The following WDR93 variants were observed in gnomAD, a reference collection of about 807,000 sequenced individuals.
The protein encoded by WDR93 is WD repeat domain 93.
In WDR93, 73 loss-of-function variants were observed where a neutral mutation model predicts 82.9. The ratio of observed to expected loss-of-function variants is 0.88; its 90% confidence interval spans 0.73 to 1.07. The LOEUF is 1.07. Among genes scored for constraint, WDR93 ranks in the 50% least tolerant of loss-of-function variants. WDR93 has a pLI of 0.00. For synonymous variants in WDR93, 283 were observed against 300.1 expected, an observed-to-expected ratio of 0.94 and a Z score of 0.59; for missense variants, 738 against 826.0, an observed-to-expected ratio of 0.89 and a Z score of 1.31.
rs1966895379 is a variant in WDR93, at chr15:89,733,196, C to T, written c.1521C>T (p.Pro507=). The change falls in exon 13 of 17, where the codon CCC becomes CCT. Residue 507 remains proline (P), a synonymous_variant. Coordinates refer to ENST00000268130, the MANE Select transcript of WDR93 (RefSeq NM_020212.2). ...HLVEASGTQG[P]TISVLVERPV... is the part of the protein sequence containing the mutation. The stretch of plus-strand genomic sequence containing the variant: ...TGGAGGCTAGCGGGACCCAAGGACC[C>T]ACCATCAGTGTGCTTGTTGAGAGGT... 10 of 1,613,818 alleles carry T rather than the reference C, an allele frequency of 6.2e-6. No homozygotes were observed. Among genetic ancestry groups the T allele is most frequent in the South Asian group, 2.2e-5 (2 of 91,058 alleles).
At chr15:89,741,237 AT>A (rs1967649098) in intron 16 of WDR93, among the ~76,000 whole-genome samples, 1 of 152,122 alleles carries the variant, frequency 6.6e-6, no homozygotes, top group Admixed American at 6.5e-5. Flanking sequence ...ATTTTATTTT[AT>A]TTTTATTTTG....
At chr15:89,702,222 G>A (rs1359743998) in intron 2 of WDR93, among the ~76,000 whole-genome samples, 173 bp downstream of exon 2, 1 of 152,176 alleles carries the variant, frequency 6.6e-6, no homozygotes, top group African/African-American at 2.4e-5. Context: ...TAATTGCCTG[G>A]GGAAATATGG....
chr15:89,728,243 T>A (rs995660462), intron 9 of WDR93, among the ~76,000 whole-genome samples: 1 of 152,154 alleles, frequency 6.6e-6, no homozygotes, highest in Non-Finnish European at 1.5e-5. Flanking sequence ...TGGTGAGCAG[T>A]TAGGTGTCAT....
intron 1 of WDR93, among the ~76,000 whole-genome samples, chr15:89,694,088 T>TA (rs1173326530): frequency 2.0e-5 from 3 of 152,190 alleles, no homozygotes; most frequent in African/African-American, 7.2e-5. Flanking sequence ...TTAGGCATTT[T>TA]AATATACGTG....
At position 89,705,935 on chromosome 15, in the gene WDR93, C is replaced by T. The variant is rs369537537; in HGVS notation, c.561+317C>T. 9.9e-5 allele frequency among the ~76,000 whole-genome samples: 15 copies of T among 152,242 alleles called. No individual in the cohort carries two copies. The East Asian group carries it at 2.7e-3, about 27-fold the overall frequency. ...AAATATCCTGGGCTGTTTCACATTC[C>T]CCTTCCCTTGCCCATGCTGTTCCTT... is the stretch of plus-strand genomic sequence containing the variant. On this transcript the variant is annotated intron_variant, in intron 4 of 16. Coordinates refer to ENST00000268130, the MANE Select transcript of WDR93 (RefSeq NM_020212.2).
intron 7 of WDR93, chr15:89,719,514 A>G (rs183089240): frequency 7.9e-5 from 12 of 152,322 alleles, no homozygotes; most frequent in Non-Finnish European, 1.0e-4. Context: ...GGTTCATAAC[A>G]TTCCATTATT....
Position 89,690,836 on chromosome 15 carries a change from C to A in WDR93, c.-62C>A. Reference sequence around the variant, plus strand: ...AAGCCGGAAGTTGTGGTTACCAAGGCGACGCAACGCCGCCCGGCCAGGTGA... The same window carrying A: ...AAGCCGGAAGTTGTGGTTACCAAGGAGACGCAACGCCGCCCGGCCAGGTGA... On this transcript the variant is annotated 5_prime_UTR_variant, in exon 1 of 17. Coordinates refer to ENST00000268130, the MANE Select transcript of WDR93 (RefSeq NM_020212.2). The A allele has an allele frequency of 1.8e-6, 1 of 551,702 alleles. No individual in the cohort carries two copies. The highest frequency in any genetic ancestry group is 3.2e-6 in the Non-Finnish European group (1 of 309,410). The allele number at this position is 551,702 out of a possible 1,614,324, so 34.2% of individuals were successfully genotyped here.
intron 2 of WDR93, 139 bp downstream of exon 2, chr15:89,702,188 C>A: frequency 1.0e-6 from 1 of 988,180 alleles, no homozygotes. Context: ...TAGAAGCATG[C>A]TGATGTTGAT....
At position 89,701,713 on chromosome 15, in the gene WDR93, A is replaced by G. The variant is rs746422924; in HGVS notation, c.-34A>G. On this transcript the variant is annotated 5_prime_UTR_variant, in exon 2 of 17. Coordinates refer to ENST00000268130, the MANE Select transcript of WDR93 (RefSeq NM_020212.2). ...TGTTTACTTCTCTTATCAGCTTTTC[A>G]GTTTCATAGAGGTTCCCAGTGCCAC... 3 of 1,581,504 alleles carry G rather than the reference A, an allele frequency of 1.9e-6. No individual in the cohort carries two copies. Among genetic ancestry groups the G allele is most frequent in the Middle Eastern group, 1.7e-4 (1 of 5,896 alleles).
At chr15:89,722,563 T>C (rs924464197) in intron 8 of WDR93, among the ~76,000 whole-genome samples, 15 of 152,170 alleles carry the variant, frequency 9.9e-5, no homozygotes, top group African/African-American at 3.1e-4. Flanking sequence ...ACTCTAGAAG[T>C]TGATAGTCTA....
chr15:89,701,807 G>A lies in WDR93; in HGVS notation c.61G>A (p.Gly21Arg), dbSNP rs890887866. The A allele has an allele frequency of 6.2e-7, 1 of 1,614,088 alleles. No homozygotes were observed. Among genetic ancestry groups the A allele is most frequent in the Non-Finnish European group, 8.5e-7 (1 of 1,180,020 alleles). ...KIKHPIGTRK[G>R]PLEVPPPTEK... ...AAAGCACCCCATTGGTACACGAAAG[G>A]GACCATTGGAGGTGCCACCCCCAAC... is the stretch of plus-strand genomic sequence containing the variant. Residue 21 changes from glycine to arginine, a missense_variant, in exon 2 of 17, where the codon GGA becomes AGA. Physicochemically the swap from Gly to Arg is moderately radical, Grantham distance 125. Transcript: ENST00000268130.
intron 1 of WDR93, among the ~76,000 whole-genome samples, chr15:89,695,087 T>C (rs1368735923): frequency 6.6e-6 from 1 of 152,146 alleles, no homozygotes; most frequent in Non-Finnish European, 1.5e-5. Context: ...TGTAACTTTG[T>C]GATAAGTCTT....
At chr15:89,737,546 C>T (rs1038691681) in intron 14 of WDR93, 27 bp from the exon 15 acceptor site, 5 of 1,613,736 alleles carry the variant, frequency 3.1e-6, no homozygotes, top group Admixed American at 1.7e-5. Context: ...CAGTAGAAGC[C>T]CCCCTCACCA....
chr15:89,715,079 T>G lies in WDR93; in HGVS notation c.740T>G (p.Val247Gly), dbSNP rs925465812. ...PQLTSNPKKK[V>G]RQPQLNSLGP... is the part of the protein sequence containing the mutation. ...CTCACTTCAAATCCAAAGAAAAAAG[T>G]CAGACAGCCGCAACTGGTAGGAAAT... Residue 247 changes from valine (V) to glycine (G), a missense_variant, in exon 6 of 17, where the codon GTC becomes GGC. Physicochemically the swap from Val to Gly is moderately radical, Grantham distance 109. Transcript: ENST00000268130. 1 of 1,613,732 alleles carries G rather than the reference T, an allele frequency of 6.2e-7. No homozygotes were observed. Among genetic ancestry groups the G allele is most frequent in the Non-Finnish European group, 8.5e-7 (1 of 1,179,892 alleles).
At chr15:89,697,396 A>T (rs759618963) in intron 1 of WDR93, among the ~76,000 whole-genome samples, 6 of 152,210 alleles carry the variant, frequency 3.9e-5, no homozygotes, top group Non-Finnish European at 5.9e-5. Context: ...ATGGGTTATT[A>T]AGAAGCGTGT....
intron 16 of WDR93, among the ~76,000 whole-genome samples, chr15:89,741,875 C>G (rs1381967501): frequency 6.6e-6 from 1 of 152,104 alleles, no homozygotes; most frequent in Admixed American, 6.5e-5. Context: ...CCTCAGCCTC[C>G]CAAGTAGCTG....
At chr15:89,698,288 T>C (rs941745037) in intron 1 of WDR93, among the ~76,000 whole-genome samples, 1 of 152,204 alleles carries the variant, frequency 6.6e-6, no homozygotes, top group African/African-American at 2.4e-5. Flanking sequence ...TTCTTCTGAT[T>C]AGTGTTAGCA....
chr15:89,690,604 T>C (rs556213531), upstream of WDR93: 4 of 1,551,352 alleles, frequency 2.6e-6, 1 homozygote, highest in Admixed American at 7.8e-5. Context: ...GCCCTGGGTC[T>C]GGTTGGTGAA....
chr15:89,743,188 T>TA (rs1390959873), intron 16 of WDR93, 104 bp from the exon 17 acceptor site: 2 of 1,129,420 alleles, frequency 1.8e-6, no homozygotes, highest in Non-Finnish European at 2.7e-6. Flanking sequence ...TGTGTCCTCT[T>TA]AGAGTTTCTC....
Sources: gnomAD v4.1 joint callset for allele counts (sites outside exome capture counted in the v4.1 genomes callset) on GRCh38, gnomAD v4.1.1 for gene constraint, MANE v1.5 for transcripts, NCBI Gene and HGNC (gene_info 2026-07-23, HGNC 2026-07-21) for gene names.